The following LRRC37A3 variants were observed in gnomAD, a reference collection of about 807,000 sequenced individuals.
The protein encoded by LRRC37A3 is leucine rich repeat containing 37 member A3.
LRRC37A3 carries 25 observed loss-of-function variants against 106.2 expected under a neutral mutation model. The observed-to-expected ratio is 0.24, with a 90% CI of 0.17 to 0.33. LRRC37A3 has a LOEUF of 0.33. Among genes scored for constraint, LRRC37A3 ranks in the 10% least tolerant of loss-of-function variants. LRRC37A3 has a pLI of 1.00. For missense variants in LRRC37A3, 712 were observed against 1,644.9 expected, an observed-to-expected ratio of 0.43 and a Z score of 9.81; for synonymous variants, 305 against 635.8, an observed-to-expected ratio of 0.48 and a Z score of 7.83.
intron 14 of LRRC37A3, 67 bp from the exon 15 acceptor site, chr17:64,854,711 C>A (rs1972615804): frequency 1.2e-6 from 2 of 1,612,152 alleles, no homozygotes; most frequent in East Asian, 4.5e-5. Context: ...CTCACCCCCT[C>A]CTCATTTTAG....
In LRRC37A3 at chr17:64,860,433, G is replaced by A; in HGVS notation, c.3713C>T (p.Thr1238Ile). 6.2e-7 allele frequency: 1 copy of A among 1,613,998 alleles called. No homozygotes were observed. Among genetic ancestry groups the A allele is most frequent in the South Asian group, 1.1e-5 (1 of 91,072 alleles). Reference protein sequence around the residue: ...GNAVYTKPSFTQEHKAAVSVL... With the variant: ...GNAVYTKPSFIQEHKAAVSVL... The stretch of plus-strand genomic sequence containing the variant: ...AGAGACTGCTGCCTTATGCTCTTGG[G>A]TGAACGAAGGCTTGGTGTAGACGGC... The change falls in exon 12 of 15, where the codon ACC (threonine) becomes ATC (isoleucine). Residue 1238 changes from threonine to isoleucine, a missense_variant. Transcript: ENST00000584306.
chr17:64,917,245 C>CAAA (rs1283286984), intron 2 of LRRC37A3, among the ~76,000 whole-genome samples: 29 of 28,290 alleles, frequency 1.0e-3, no homozygotes, highest in African/African-American at 1.9e-3. Flanking sequence ...GACTCCATCT[C>CAAA]AAAAAAAAAA....
At chr17:64,878,888 C>T (rs1973599053) in intron 8 of LRRC37A3, among the ~76,000 whole-genome samples, 2 of 152,200 alleles carry the variant, frequency 1.3e-5, no homozygotes, top group African/African-American at 4.8e-5. Context: ...TCCATAGCAG[C>T]ATTATTCATA....
chr17:64,866,449 T>C (rs1217919782), intron 10 of LRRC37A3, among the ~76,000 whole-genome samples: 4 of 150,260 alleles, frequency 2.7e-5, no homozygotes, highest in Non-Finnish European at 5.9e-5. Flanking sequence ...ACTGAGTCTC[T>C]ATTTAGCTTG....
At chr17:64,866,801 T>TATATATATATA (rs1305702496) in intron 10 of LRRC37A3, among the ~76,000 whole-genome samples, 23 of 124,708 alleles carry the variant, frequency 1.8e-4, no homozygotes, top group African/African-American at 7.3e-4. Flanking sequence ...TGGCTGATTT[T>TATATATATATA]TATATATATA....
intron 10 of LRRC37A3, 194 bp from the exon 11 acceptor site, chr17:64,863,212 A>G: frequency 1.6e-6 from 1 of 639,390 alleles, no homozygotes; most frequent in East Asian, 2.6e-5. Flanking sequence ...CATGGCAGTG[A>G]GTATGGTATG....
At chr17:64,882,575 A>G in intron 8 of LRRC37A3, among the ~76,000 whole-genome samples, 1 of 152,016 alleles carries the variant, frequency 6.6e-6, no homozygotes, top group Admixed American at 6.6e-5. Context: ...ATTCCAGTAC[A>G]TACCAAAACA....
At chr17:64,857,054 G>A (rs1239504378) in intron 13 of LRRC37A3, among the ~76,000 whole-genome samples, 3 of 152,114 alleles carry the variant, frequency 2.0e-5, no homozygotes, top group African/African-American at 7.2e-5. Context: ...GTATTGGAAA[G>A]GAAGAGACAA....
intron 11 of LRRC37A3, among the ~76,000 whole-genome samples, chr17:64,861,430 T>C (rs1972866097): frequency 6.6e-6 from 1 of 152,192 alleles, no homozygotes; most frequent in Non-Finnish European, 1.5e-5. Context: ...CTGAATGCAA[T>C]GAAAGGCGGT....
intron 8 of LRRC37A3, among the ~76,000 whole-genome samples, chr17:64,872,170 T>G (rs1228489617): frequency 8.4e-6 from 1 of 118,362 alleles, no homozygotes; most frequent in Non-Finnish European, 1.8e-5. Flanking sequence ...CATCCAAAAA[T>G]TCATCCCTTC....
rs1973541127 is a variant in LRRC37A3 at position 64,877,187 on chromosome 17, G to A, written c.2907-8021C>T. Among the ~76,000 whole-genome samples the A allele has an allele frequency of 2.0e-5, 3 of 152,192 alleles. No homozygotes were observed. In the South Asian group the frequency reaches 6.2e-4, roughly 32 times the overall value. On this transcript the variant is annotated intron_variant, in intron 8 of 14. Coordinates refer to ENST00000584306, the MANE Select transcript of LRRC37A3 (RefSeq NM_199340.5). Reference sequence around the variant, plus strand: ...GGATCATCTGAGGTTAGGAGTTCGAGAGCAGCCTGATAAACGTGCTGAAAC... The same window carrying A: ...GGATCATCTGAGGTTAGGAGTTCGAAAGCAGCCTGATAAACGTGCTGAAAC...
chr17:64,860,066 T>C lies in LRRC37A3; in HGVS notation c.4080A>G (p.Ser1360=), dbSNP rs1972814730. The change falls in exon 12 of 15, where the codon TCA becomes TCG. Residue 1360 remains serine (S), a synonymous_variant. Transcript: ENST00000584306. The part of the protein sequence containing the change: ...LINSPSQGAF[S]SLRDLSPQEN... ...CTTGAGGACTCAGGTCTCTTAAGGA[T>C]GAAAAAGCCCCTTGTGAAGGGGAAT... 1.9e-6 allele frequency: 3 copies of C among 1,613,992 alleles called. No homozygotes were observed. The highest frequency in any genetic ancestry group is 2.5e-6 in the Non-Finnish European group (3 of 1,179,878).
chr17:64,855,782 C>A (rs1484503607), intron 14 of LRRC37A3, 58 bp downstream of exon 14: 15 of 1,607,648 alleles, frequency 9.3e-6, no homozygotes, highest in Non-Finnish European at 1.0e-5. Flanking sequence ...AGCCTGGCAA[C>A]AAGAGGGAAA....
At chr17:64,870,083 A>ATTTTTTTT (rs904361471) in intron 8 of LRRC37A3, among the ~76,000 whole-genome samples, 2 of 110,410 alleles carry the variant, frequency 1.8e-5, no homozygotes, top group Non-Finnish European at 3.7e-5. Flanking sequence ...CAGAGACCAC[A>ATTTTTTTT]TTTTTTTTTT....
intron 2 of LRRC37A3, chr17:64,909,833 G>C (rs1974545233): frequency 6.6e-6 from 1 of 152,106 alleles, no homozygotes; most frequent in Admixed American, 6.6e-5. Context: ...GAGAACCAAA[G>C]AACAAAATTT....
chr17:64,870,611 T>A (rs1416009233), intron 8 of LRRC37A3, among the ~76,000 whole-genome samples: 2 of 152,122 alleles, frequency 1.3e-5, no homozygotes, highest in African/African-American at 2.4e-5. Context: ...GCCCTATTTT[T>A]AAATGAGGAA....
intron 9 of LRRC37A3, 149 bp downstream of exon 9, chr17:64,868,946 T>A: frequency 6.9e-7 from 1 of 1,454,436 alleles, no homozygotes; most frequent in East Asian, 2.4e-5. Context: ...ATCCTCTTAA[T>A]TTTTTTCTTC....
chr17:64,880,442 C>T (rs1973661295), intron 8 of LRRC37A3, among the ~76,000 whole-genome samples: 2 of 152,214 alleles, frequency 1.3e-5, no homozygotes, highest in South Asian at 4.1e-4. Context: ...AGCCAGCGCG[C>T]CCAGCCTCGA....
Position 64,860,823 on chromosome 17 carries a change from A to G in LRRC37A3, c.3323T>C (p.Leu1108Pro), listed in dbSNP as rs2143382641. Reference protein sequence around the residue: ...INLSGFGSEQLDTNDESDVTS... With the variant: ...INLSGFGSEQPDTNDESDVTS... ...AACATCACTCTCGTCATTGGTGTCTAGCTGCTCACTCCCAAAGCCTGACAA... is the reference window on the plus strand; with the variant it reads ...AACATCACTCTCGTCATTGGTGTCTGGCTGCTCACTCCCAAAGCCTGACAA... Residue 1108 changes from leucine to proline, a missense_variant, in exon 12 of 15, where the codon CTA becomes CCA. Coordinates refer to ENST00000584306, the MANE Select transcript of LRRC37A3 (RefSeq NM_199340.5). The G allele has an allele frequency of 6.2e-7, 1 of 1,614,224 alleles. No homozygotes were observed. The highest frequency in any genetic ancestry group is 1.1e-5 in the South Asian group (1 of 91,082).
Sources: gnomAD v4.1 joint callset for allele counts (sites outside exome capture counted in the v4.1 genomes callset) on GRCh38, gnomAD v4.1.1 for gene constraint, MANE v1.5 for transcripts, NCBI Gene and HGNC (gene_info 2026-07-23, HGNC 2026-07-21) for gene names.